MDH2: variants seen among roughly 807,000 people sequenced by gnomAD.
The protein encoded by MDH2 is malate dehydrogenase 2.
A neutral mutation model predicts 33.6 loss-of-function variants in MDH2; 25 were observed. The observed-to-expected ratio is 0.74, with a 90% CI of 0.54 to 1.04. The LOEUF is 1.04. Among genes scored for constraint, MDH2 ranks in the 50% least tolerant of loss-of-function variants. The pLI, the probability that MDH2 is intolerant of heterozygous loss-of-function variation, is 0.00. For synonymous variants in MDH2, 193 were observed against 188.7 expected, an observed-to-expected ratio of 1.02 and a Z score of -0.19; for missense variants, 432 against 445.0, an observed-to-expected ratio of 0.97 and a Z score of 0.26.
rs1585408449 is a variant in MDH2, at chr7:76,060,399, A to G, written c.456A>G (p.Ala152=). ...NPVNSTIPIT[A]EVFKKHGVYN... ...TTAATTCCACCATCCCCATCACAGC[A>G]GAAGTTTTCAAGAAGCATGGAGTGT... Residue 152 remains alanine, a synonymous_variant, in exon 5 of 9, where the codon GCA becomes GCG. Coordinates refer to ENST00000315758, the MANE Select transcript of MDH2 (RefSeq NM_005918.4). 2 of 1,614,180 alleles carry G rather than the reference A, an allele frequency of 1.2e-6. No individual in the cohort carries two copies. Among genetic ancestry groups the G allele is most frequent in the Non-Finnish European group, 1.7e-6 (2 of 1,180,012 alleles).
At chr7:76,059,636 A>G (rs869804) in intron 4 of MDH2, among the ~76,000 whole-genome samples, 68,889 of 152,056 alleles carry the variant, frequency 0.45, 18,089 homozygotes, top group African/African-American at 0.72. Flanking sequence ...GATGAGGATC[A>G]ATTGGGGTGA....
chr7:76,058,273 C>T (rs1554586566), intron 4 of MDH2, 195 bp downstream of exon 4: 4 of 574,628 alleles, frequency 7.0e-6, no homozygotes, highest in Non-Finnish European at 1.2e-5. Flanking sequence ...AGGACTCCTT[C>T]CAGCATGAAC....
At chr7:76,063,656 GA>G in intron 6 of MDH2, 64 bp downstream of exon 6, 1 of 1,515,336 alleles carries the variant, frequency 6.6e-7, no homozygotes, top group Non-Finnish European at 9.2e-7. Context: ...GCCCTGCTTT[GA>G]GGTGATCCCG....
chr7:76,066,426 G>C lies in MDH2; in HGVS notation c.*16G>C. The C allele has an allele frequency of 6.3e-7, 1 of 1,594,786 alleles. No individual in the cohort carries two copies. The highest frequency in any genetic ancestry group is 8.5e-7 in the Non-Finnish European group (1 of 1,171,648). On this transcript the variant is annotated 3_prime_UTR_variant, in exon 9 of 9. Transcript: ENST00000315758. ...CCTGAAGTGAGCCGCTGTGACGGGT[G>C]GCCAGTTTCCTTAATTTATGAAGGC...
intron 5 of MDH2, among the ~76,000 whole-genome samples, chr7:76,060,769 C>T (rs1173895541): frequency 6.6e-6 from 1 of 151,992 alleles, no homozygotes; most frequent in African/African-American, 2.4e-5. Context: ...TGGGTTCACA[C>T]CTTCTTTGGG....
intron 1 of MDH2, 65 bp from the exon 2 acceptor site, chr7:76,054,765 A>G: frequency 3.8e-6 from 6 of 1,590,442 alleles, no homozygotes; most frequent in Non-Finnish European, 5.2e-6. Flanking sequence ...ACATTATAGG[A>G]TACCATGTGA....
At chr7:76,050,295 G>T (rs1465990011) in intron 1 of MDH2, among the ~76,000 whole-genome samples, 1 of 152,216 alleles carries the variant, frequency 6.6e-6, no homozygotes, top group Non-Finnish European at 1.5e-5. Context: ...CTCCCAAAGT[G>T]CTGGGATTAC....
chr7:76,050,189 C>G (rs1265781288), intron 1 of MDH2, among the ~76,000 whole-genome samples: 2 of 152,180 alleles, frequency 1.3e-5, no homozygotes, highest in Non-Finnish European at 2.9e-5. Context: ...GCTACGACAG[C>G]TGGGTAATTT....
Position 76,067,272 on chromosome 7 carries a change from G to C in MDH2, c.*862G>C, listed in dbSNP as rs1174143437. 1 of 152,228 alleles carries C rather than the reference G, an allele frequency of 6.6e-6. No homozygotes were observed. Among genetic ancestry groups the C allele is most frequent in the Non-Finnish European group, 1.5e-5 (1 of 68,048 alleles). 9.4% of individuals were successfully genotyped at this position (152,228 alleles called of 1,614,324 possible). A position where few individuals can be genotyped will look rare whatever the true frequency, so the allele number is the denominator to read the frequency against. On this transcript the variant is annotated 3_prime_UTR_variant, in exon 9 of 9. Coordinates refer to ENST00000315758, the MANE Select transcript of MDH2 (RefSeq NM_005918.4). ...GTGGAAACTGAAAGCTGCATACCTG[G>C]GAAAGAACTTTCTAGGAATAGGCAA...
rs782541871 is a variant in MDH2 at position 76,066,373 on chromosome 7, T to A, written c.980T>A (p.Ile327Asn). 1 of 1,611,160 alleles carries A rather than the reference T, an allele frequency of 6.2e-7. No individual in the cohort carries two copies. Among genetic ancestry groups the A allele is most frequent in the Non-Finnish European group, 8.5e-7 (1 of 1,179,202 alleles). The part of the protein sequence containing the change: ...SDAIPELKAS[I>N]KKGEDFVKTL... ...GCCATCCCCGAGCTGAAGGCCTCCA[T>A]CAAGAAGGGGGAAGATTTCGTGAAG... Residue 327 changes from isoleucine to asparagine, a missense_variant, in exon 9 of 9, where the codon ATC becomes AAC. Coordinates refer to ENST00000315758, the MANE Select transcript of MDH2 (RefSeq NM_005918.4).
At chr7:76,065,638 G>A (rs1314896906) in intron 8 of MDH2, among the ~76,000 whole-genome samples, 1 of 152,204 alleles carries the variant, frequency 6.6e-6, no homozygotes, top group African/African-American at 2.4e-5. Context: ...GGCAGGGCCT[G>A]CAGGTGAGAC....
chr7:76,051,233 C>G (rs1366524163), intron 1 of MDH2, among the ~76,000 whole-genome samples: 2 of 151,732 alleles, frequency 1.3e-5, no homozygotes, highest in Non-Finnish European at 1.5e-5. Context: ...GTTGGGCATA[C>G]AAGCGACATT....
chr7:76,056,643 T>C (rs1387793138), intron 2 of MDH2, among the ~76,000 whole-genome samples: 4 of 152,206 alleles, frequency 2.6e-5, no homozygotes, highest in Admixed American at 1.3e-4. Context: ...CTTCAGATGA[T>C]AGGAGTAAAC....
chr7:76,056,548 C>T (rs1797792535), intron 2 of MDH2, among the ~76,000 whole-genome samples: 1 of 152,136 alleles, frequency 6.6e-6, no homozygotes, highest in South Asian at 2.1e-4. Flanking sequence ...TAAGAAGGCT[C>T]CTGCATTAAG....
intron 4 of MDH2, among the ~76,000 whole-genome samples, chr7:76,058,751 C>G (rs966089224): frequency 1.8e-4 from 27 of 152,264 alleles, no homozygotes; most frequent in African/African-American, 6.0e-4. Context: ...ACTACTCTTG[C>G]GCTTTGGGGC....
At chr7:76,048,988 G>GGT (rs1797473339) in intron 1 of MDH2, 1 of 43,794 alleles carries the variant, frequency 2.3e-5, no homozygotes, top group African/African-American at 2.1e-4. Flanking sequence ...CTGCGGGGGG[G>GGT]GGGGGGGGGG....
intron 1 of MDH2, among the ~76,000 whole-genome samples, chr7:76,053,193 T>C (rs1267419114): frequency 6.6e-6 from 1 of 152,114 alleles, no homozygotes; most frequent in Non-Finnish European, 1.5e-5. Flanking sequence ...CAGAAGATGG[T>C]TCTAGAAGTT....
intron 1 of MDH2, chr7:76,049,011 C>A: frequency 9.5e-6 from 8 of 841,488 alleles, no homozygotes; most frequent in Non-Finnish European, 1.1e-5. Flanking sequence ...CGCATTTTTA[C>A]CAGGTGAATC....
intron 2 of MDH2, among the ~76,000 whole-genome samples, chr7:76,056,390 C>A (rs1018530893): frequency 2.6e-5 from 4 of 152,130 alleles, no homozygotes; most frequent in African/African-American, 9.7e-5. Context: ...CCTCTGACAG[C>A]GTATGCGATA....
Sources: gnomAD v4.1 joint callset for allele counts (sites outside exome capture counted in the v4.1 genomes callset) on GRCh38, gnomAD v4.1.1 for gene constraint, MANE v1.5 for transcripts, NCBI Gene and HGNC (gene_info 2026-07-23, HGNC 2026-07-21) for gene names.